Variants in NVL observed in about 807,000 individuals in gnomAD.
NVL encodes nuclear valosin-containing protein-like.
A neutral mutation model predicts 110.2 loss-of-function variants in NVL; 84 were observed. The ratio of observed to expected loss-of-function variants is 0.76; its 90% CI spans 0.64 to 0.91. The LOEUF (loss-of-function observed/expected upper bound fraction) is 0.91. NVL is among the 40% of genes least tolerant of loss of function. The pLI, the probability that NVL is intolerant of heterozygous loss-of-function variation, is 0.00. For synonymous variants in NVL, 354 were observed against 361.1 expected (o/e 0.98, Z 0.22); for missense variants, 882 against 1,035.9 (o/e 0.85, Z 2.04).
At chr1:224,254,563 G>GT (rs71572893) in intron 18 of NVL, among the ~76,000 whole-genome samples, 880 of 36,702 alleles carry the variant, frequency 0.024, 11 homozygotes, top group South Asian at 0.074. Context: ...CGGCTAATTT[G>GT]TTTTTTTTGT....
intron 4 of NVL, among the ~76,000 whole-genome samples, chr1:224,314,616 G>C (rs1572048620): frequency 3.3e-5 from 5 of 152,234 alleles, no homozygotes; most frequent in Admixed American, 2.0e-4. Context: ...TCTAGGCCTA[G>C]AAAAACTGTG....
chr1:224,240,790 T>G (rs1385860018), intron 19 of NVL, among the ~76,000 whole-genome samples: 3 of 143,452 alleles, frequency 2.1e-5, no homozygotes, highest in South Asian at 2.3e-4. Flanking sequence ...GTCCTTTTTT[T>G]TTTTTTTTTT....
At chr1:224,257,112 G>C (rs1663363615) in intron 18 of NVL, 1 of 528,468 alleles carries the variant, frequency 1.9e-6, no homozygotes. Flanking sequence ...CTAAGAGACA[G>C]AATTCTTAGG....
intron 2 of NVL, among the ~76,000 whole-genome samples, chr1:224,326,061 T>C (rs1308822673): frequency 1.3e-5 from 2 of 152,222 alleles, no homozygotes; most frequent in Non-Finnish European, 2.9e-5. Flanking sequence ...AGTGTTGAGA[T>C]TACAGGCATG....
intron 18 of NVL, among the ~76,000 whole-genome samples, chr1:224,267,319 AAG>A (rs1227926552): frequency 6.6e-6 from 1 of 152,200 alleles, no homozygotes; most frequent in African/African-American, 2.4e-5. Flanking sequence ...TACTAGAGTG[AAG>A]AGTCTCGTTT....
At chr1:224,287,719 A>G in intron 14 of NVL, 56 bp downstream of exon 14, 1 of 1,452,288 alleles carries the variant, frequency 6.9e-7, no homozygotes, top group Non-Finnish European at 9.6e-7. Context: ...ATGGAGCTTT[A>G]TCTCTGGTCT....
At chr1:224,240,016 G>A (rs928128955) in intron 19 of NVL, among the ~76,000 whole-genome samples, 4 of 149,866 alleles carry the variant, frequency 2.7e-5, no homozygotes, top group African/African-American at 9.8e-5. Context: ...TCCTGCCTCA[G>A]CCCCGAGTAG....
chr1:224,296,175 A>G (rs1358425617), intron 11 of NVL, among the ~76,000 whole-genome samples: 3 of 152,084 alleles, frequency 2.0e-5, no homozygotes, highest in African/African-American at 2.4e-5. Flanking sequence ...GAAGCAACCT[A>G]CAATCTGGTA....
Position 224,305,485 on chromosome 1 carries a change from A to G in NVL, c.616-319T>C. 4.0e-5 allele frequency: 7 copies of G among 175,052 alleles called. No homozygotes were observed. The East Asian group carries it at 8.4e-4, about 21-fold the overall frequency. The allele number at this position is 175,052 out of a possible 1,614,324, so 10.8% of individuals were successfully genotyped here. On this transcript the variant is annotated intron_variant, in intron 6 of 22. Transcript: ENST00000281701. Reference sequence around the variant, plus strand: ...ATTTGTGAAGCATCCCATATGGGGAAAAAAAAAAAAAGAAAAAAGAAATCT... The same window carrying G: ...ATTTGTGAAGCATCCCATATGGGGAGAAAAAAAAAAAGAAAAAAGAAATCT...
chr1:224,265,241 A>T (rs111939363), intron 18 of NVL, among the ~76,000 whole-genome samples: 10,102 of 151,998 alleles, frequency 0.066, 1,062 homozygotes, highest in African/African-American at 0.22. Flanking sequence ...GCAGTGGCTC[A>T]TGCCTGTAAT....
intron 20 of NVL, among the ~76,000 whole-genome samples, chr1:224,235,824 C>G (rs531395704): frequency 6.6e-6 from 1 of 151,550 alleles, no homozygotes; most frequent in South Asian, 2.1e-4. Flanking sequence ...TCCCAGCTAT[C>G]CAGGAGGCTG....
intron 19 of NVL, among the ~76,000 whole-genome samples, chr1:224,246,330 G>A (rs540569150): frequency 2.2e-4 from 33 of 152,146 alleles, no homozygotes; most frequent in African/African-American, 7.7e-4. Context: ...GTGCCTGGCC[G>A]AAGTGGGGTA....
intron 11 of NVL, among the ~76,000 whole-genome samples, chr1:224,295,057 T>G (rs1168020988): frequency 6.6e-6 from 1 of 152,262 alleles, no homozygotes; most frequent in Non-Finnish European, 1.5e-5. Flanking sequence ...ACTGAGGACT[T>G]AAATCTTATC....
At chr1:224,316,582 G>A (rs1422917130) in intron 4 of NVL, among the ~76,000 whole-genome samples, 1 of 138,176 alleles carries the variant, frequency 7.2e-6, no homozygotes, top group East Asian at 2.1e-4. Flanking sequence ...TGAAGGAGAA[G>A]AATCAAGTAA....
chr1:224,235,968 C>A (rs150659049), intron 20 of NVL, among the ~76,000 whole-genome samples: 1 of 151,594 alleles, frequency 6.6e-6, no homozygotes, highest in Non-Finnish European at 1.5e-5. Flanking sequence ...AACAAAAAGC[C>A]GGAGGGGGCA....
intron 22 of NVL, 29 bp from the exon 23 acceptor site, chr1:224,227,699 A>G (rs749702190): frequency 2.5e-6 from 4 of 1,600,322 alleles, no homozygotes; most frequent in Middle Eastern, 1.7e-4. Context: ...CAGAATACAG[A>G]GACCGTCACT....
Position 224,325,819 on chromosome 1 carries a change from T to C in NVL, c.131+572A>G, listed in dbSNP as rs536648034. 1.9e-4 allele frequency among the ~76,000 whole-genome samples: 29 copies of C among 152,308 alleles called. 1 individual carries two copies. Among genetic ancestry groups the C allele is most frequent in the Admixed American group, 1.4e-3 (22 of 15,286 alleles). ...CTTTCTTTTTTGGGACAGGATCTTATTCTGTCACTGAGGTTAGAGTGCAGT... is the reference window on the plus strand; with the variant it reads ...CTTTCTTTTTTGGGACAGGATCTTACTCTGTCACTGAGGTTAGAGTGCAGT... On this transcript the variant is annotated intron_variant, in intron 2 of 22. Transcript: ENST00000281701.
In NVL at chr1:224,296,589, A is replaced by C; in HGVS notation, c.1092T>G (p.Asp364Glu). The change falls in exon 11 of 23, where the codon GAT becomes GAG. Residue 364 changes from aspartate to glutamate, a missense_variant. Asp to Glu is a conservative substitution (Grantham distance 45). Around this residue, in one of 4 missense-constraint regions of NVL, gnomAD observed 416 missense variants for 499.3 expected, o/e 0.83. Transcript: ENST00000281701. ...TTTTGGGGGTAATAGCATCAATTTC[A>C]TCAATGAAAATGATACATGGTGCAT... Reference protein sequence around the residue: ...VSNAPCIIFIDEIDAITPKRE... With the variant: ...VSNAPCIIFIEEIDAITPKRE... 6.3e-7 allele frequency: 1 copy of C among 1,596,206 alleles called. No individual in the cohort carries two copies. Among genetic ancestry groups the C allele is most frequent in the Non-Finnish European group, 8.5e-7 (1 of 1,173,706 alleles).
At chr1:224,239,582 G>A (rs1660926799) in intron 19 of NVL, among the ~76,000 whole-genome samples, 1 of 152,128 alleles carries the variant, frequency 6.6e-6, no homozygotes, top group African/African-American at 2.4e-5. Flanking sequence ...TCCGCGTGCT[G>A]TTAGACAATC....
Sources: allele counts gnomAD v4.1 joint callset (sites outside exome capture counted in the v4.1 genomes callset), GRCh38; gene constraint gnomAD v4.1.1; regional missense constraint gnomAD v4.1.1; transcripts MANE v1.5; gene names NCBI Gene and HGNC (gene_info 2026-07-23, HGNC 2026-07-21).